Variants in ATP6V1E1 observed in about 807,000 individuals in gnomAD.
ATP6V1E1 encodes ATPase H+ transporting V1 subunit E1, also known as V-type proton ATPase subunit E 1.
ATP6V1E1 carries 21 observed loss-of-function variants against 35.2 expected under a neutral mutation model. The ratio of observed to expected loss-of-function variants is 0.60; its 90% CI spans 0.42 to 0.86. ATP6V1E1 has a LOEUF of 0.86. Among genes scored for constraint, ATP6V1E1 ranks in the 40% least tolerant of loss-of-function variants. The pLI is 0.00. For missense variants in ATP6V1E1, 183 were observed against 272.6 expected (o/e 0.67, Z 2.32); for synonymous variants, 83 against 87.8 (o/e 0.95, Z 0.30).
At chr22:17,608,343 CAT>C (rs372860123) in intron 4 of ATP6V1E1, among the ~76,000 whole-genome samples, 22 of 152,208 alleles carry the variant, frequency 1.4e-4, no homozygotes, top group African/African-American at 4.8e-4. Context: ...CCGGGAAAGA[CAT>C]GTGGTATGAA....
At chr22:17,605,693 CTTTTT>C (rs3044548) in intron 4 of ATP6V1E1, among the ~76,000 whole-genome samples, 1,088 of 103,988 alleles carry the variant, frequency 0.01, 8 homozygotes, top group South Asian at 0.067. Flanking sequence ...AGATGTTTCT[CTTTTT>C]TTTTTTTTTT....
At chr22:17,594,701 CCTTGT>C in intron 7 of ATP6V1E1, 85 bp from the exon 8 acceptor site, 1 of 1,190,704 alleles carries the variant, frequency 8.4e-7, no homozygotes, top group Non-Finnish European at 1.1e-6. Context: ...AGAGGAATGC[CCTTGT>C]CTTGGTGTGT....
intron 1 of ATP6V1E1, among the ~76,000 whole-genome samples, chr22:17,624,555 A>C (rs534665767): frequency 1.2e-3 from 180 of 151,906 alleles, no homozygotes; most frequent in African/African-American, 4.2e-3. Flanking sequence ...CTGTCTCAAA[A>C]AAAAGAAAAA....
rs8135551 is a variant in ATP6V1E1, at chr22:17,628,580, T to A, written c.33+23A>T. The A allele has an allele frequency of 2.2e-5, 35 of 1,613,972 alleles. 1 individual carries two copies. In the South Asian group the frequency reaches 3.6e-4, roughly 17 times the overall value. On this transcript the variant is annotated intron_variant, in intron 1 of 8. Coordinates refer to ENST00000253413, the MANE Select transcript of ATP6V1E1 (RefSeq NM_001696.4). ...CCCCGGGACTGCCGCCGCGGCTTCG[T>A]AAGACCCAACCAAGCCCCTCACCTG...
intron 6 of ATP6V1E1, 74 bp from the exon 7 acceptor site, chr22:17,598,362 A>G (rs1482798990): frequency 5.1e-6 from 6 of 1,184,014 alleles, no homozygotes; most frequent in Non-Finnish European, 7.5e-6. Context: ...AACAGACTAT[A>G]CAAGCAAGGA....
chr22:17,621,418 C>G (rs1387251828), intron 1 of ATP6V1E1, among the ~76,000 whole-genome samples: 1 of 152,068 alleles, frequency 6.6e-6, no homozygotes, highest in East Asian at 1.9e-4. Flanking sequence ...TCAAGCGATC[C>G]CCCCGTAGCT....
chr22:17,626,459 C>T (rs191021602), intron 1 of ATP6V1E1, among the ~76,000 whole-genome samples: 176 of 152,196 alleles, frequency 1.2e-3, no homozygotes, highest in African/African-American at 3.9e-3. Flanking sequence ...ACTGCAGCCT[C>T]GACCCCTTGG....
chr22:17,609,895 C>T (rs2057806760), intron 4 of ATP6V1E1, among the ~76,000 whole-genome samples: 1 of 152,024 alleles, frequency 6.6e-6, no homozygotes, highest in Non-Finnish European at 1.5e-5. Flanking sequence ...TGAGAAGCAC[C>T]GATATTGAAG....
chr22:17,616,619 T>G (rs547981559), intron 2 of ATP6V1E1, among the ~76,000 whole-genome samples: 2 of 132,586 alleles, frequency 1.5e-5, no homozygotes, highest in African/African-American at 2.9e-5. Context: ...GCGGAGGTTG[T>G]GGTGAGCTGA....
intron 2 of ATP6V1E1, among the ~76,000 whole-genome samples, chr22:17,617,442 C>T (rs1471752164): frequency 6.6e-6 from 1 of 152,024 alleles, no homozygotes; most frequent in Non-Finnish European, 1.5e-5. Flanking sequence ...TGCAGGCGTG[C>T]ACCACCACAC....
chr22:17,593,701 TAAGAC>T (rs2057716603), intron 8 of ATP6V1E1, among the ~76,000 whole-genome samples: 1 of 152,194 alleles, frequency 6.6e-6, no homozygotes, highest in African/African-American at 2.4e-5. Flanking sequence ...GCTTTAGTTA[TAAGAC>T]AAGTATCTGC....
At chr22:17,622,587 C>T (rs1228315465) in intron 1 of ATP6V1E1, among the ~76,000 whole-genome samples, 9 of 152,050 alleles carry the variant, frequency 5.9e-5, no homozygotes, top group African/African-American at 9.7e-5. Context: ...CCATGGCACG[C>T]GTATCACTAT....
At chr22:17,624,869 T>A (rs186507847) in intron 1 of ATP6V1E1, among the ~76,000 whole-genome samples, 2 of 152,292 alleles carry the variant, frequency 1.3e-5, no homozygotes, top group East Asian at 3.9e-4. Flanking sequence ...TATAGCTTTA[T>A]CTTTATACTA....
At chr22:17,619,362 G>T in intron 2 of ATP6V1E1, 99 bp downstream of exon 2, 2 of 1,035,288 alleles carry the variant, frequency 1.9e-6, no homozygotes, top group Non-Finnish European at 2.9e-6. Context: ...TCAGTCCGAT[G>T]CAATCTGTTG....
intron 4 of ATP6V1E1, among the ~76,000 whole-genome samples, chr22:17,603,703 T>C (rs2057772390): frequency 6.6e-6 from 1 of 152,188 alleles, no homozygotes; most frequent in East Asian, 1.9e-4. Flanking sequence ...TATCTTATTA[T>C]GTGTAGGCAA....
chr22:17,595,769 C>T (rs562479205), intron 7 of ATP6V1E1, among the ~76,000 whole-genome samples: 8 of 151,412 alleles, frequency 5.3e-5, no homozygotes, highest in South Asian at 4.2e-4. Context: ...TGCAGCAAGC[C>T]GAGATCACAC....
At chr22:17,599,963 G>T in intron 6 of ATP6V1E1, 64 bp downstream of exon 6, 1 of 1,144,264 alleles carries the variant, frequency 8.7e-7, no homozygotes, top group African/African-American at 1.8e-5. Context: ...AAAAGAAAGA[G>T]AGAGGGGAAG....
intron 4 of ATP6V1E1, among the ~76,000 whole-genome samples, chr22:17,608,976 CT>C (rs1433015964): frequency 6.6e-6 from 1 of 151,850 alleles, no homozygotes; most frequent in Non-Finnish European, 1.5e-5. Context: ...GTCCCAGCTA[CT>C]CAAGGAGGCT....
At chr22:17,623,549 C>A (rs979972991) in intron 1 of ATP6V1E1, among the ~76,000 whole-genome samples, 2 of 151,436 alleles carry the variant, frequency 1.3e-5, no homozygotes, top group Non-Finnish European at 2.9e-5. Context: ...CGGGTGCCTG[C>A]AATCCTAGCT....
Sources: allele counts gnomAD v4.1 joint callset (sites outside exome capture counted in the v4.1 genomes callset), GRCh38; gene constraint gnomAD v4.1.1; transcripts MANE v1.5; gene names NCBI Gene and HGNC (gene_info 2026-07-23, HGNC 2026-07-21).